Variants in SORL1 observed in about 807,000 individuals in gnomAD.
SORL1 encodes sortilin related receptor 1.
SORL1 carries 127 observed loss-of-function variants against 273.7 expected under a neutral mutation model. The ratio of observed to expected loss-of-function variants is 0.46; its 90% CI spans 0.40 to 0.54. The LOEUF is 0.54. SORL1 is among the 20% of genes least tolerant of loss of function. The probability of loss-of-function intolerance (pLI) is 0.00; values close to 1 mark genes in which losing one functional copy is unlikely to be tolerated. For synonymous variants in SORL1, 1,031 were observed against 1,067.4 expected (o/e 0.97, Z 0.66); for missense variants, 2,494 against 2,846.1 (o/e 0.88, Z 2.81).
intron 25 of SORL1, among the ~76,000 whole-genome samples, chr11:121,582,519 T>G (rs1367109400): frequency 6.6e-6 from 1 of 152,222 alleles, no homozygotes; most frequent in Non-Finnish European, 1.5e-5. Flanking sequence ...GGAAATCAGA[T>G]GGAGAGGACC....
intron 12 of SORL1, among the ~76,000 whole-genome samples, chr11:121,533,151 T>C (rs1862225657): frequency 6.6e-6 from 1 of 151,616 alleles, no homozygotes; most frequent in Non-Finnish European, 1.5e-5. Flanking sequence ...GAAAGACTAA[T>C]AATAAATAGC....
At chr11:121,543,336 G>T (rs1022092329) in intron 12 of SORL1, among the ~76,000 whole-genome samples, 2 of 151,946 alleles carry the variant, frequency 1.3e-5, no homozygotes, top group African/African-American at 4.8e-5. Flanking sequence ...CCTAAATTCG[G>T]CCAGTTGGAG....
chr11:121,582,879 A>G (rs1266583654), intron 25 of SORL1, among the ~76,000 whole-genome samples: 1 of 152,088 alleles, frequency 6.6e-6, no homozygotes, highest in African/African-American at 2.4e-5. Flanking sequence ...ATTGTAATGT[A>G]TGGCCTTCCA....
In SORL1 at chr11:121,631,632, C is replaced by T. The variant is rs541771146; in HGVS notation, c.*2069C>T. 6.6e-6 allele frequency: 1 copy of T among 152,278 alleles called. No homozygotes were observed. The highest frequency in any genetic ancestry group is 2.1e-4 in the South Asian group (1 of 4,832). 9.4% of individuals were successfully genotyped at this position (152,278 alleles called of 1,614,324 possible). On this transcript the variant is annotated 3_prime_UTR_variant, in exon 48 of 48. Transcript: ENST00000260197. ...TATTTTCAGTTATTCCATAGGCAAG[C>T]CTTTTTACAGAGCATATGTCTCCAG...
intron 9 of SORL1, 133 bp downstream of exon 9, chr11:121,520,982 G>A (rs1862033653): frequency 7.6e-6 from 4 of 529,650 alleles, no homozygotes; most frequent in Non-Finnish European, 1.2e-5. Context: ...ACATGGAGCA[G>A]ACTTCTATTT....
At chr11:121,559,709 G>T in intron 21 of SORL1, 52 bp downstream of exon 21, 3 of 1,565,706 alleles carry the variant, frequency 1.9e-6, no homozygotes, top group Non-Finnish European at 2.6e-6. Flanking sequence ...CAAGAAAGGG[G>T]CTGCGTGTGG....
chr11:121,522,319 C>G (rs142705915), intron 9 of SORL1, among the ~76,000 whole-genome samples: 288 of 152,306 alleles, frequency 1.9e-3, no homozygotes, highest in Non-Finnish European at 2.8e-3. Flanking sequence ...TGAGTTGACA[C>G]TGATTTCTAA....
intron 21 of SORL1, among the ~76,000 whole-genome samples, chr11:121,565,784 T>C (rs1378115815): frequency 6.6e-6 from 1 of 152,226 alleles, no homozygotes; most frequent in African/African-American, 2.4e-5. Flanking sequence ...ATGTAGGGGA[T>C]AGGATGGCAC....
rs1292268635 is a variant in SORL1 at position 121,496,945 on chromosome 11, C to T, written c.835C>T (p.Arg279Ter). The change falls in exon 6 of 48, where the codon CGA becomes TGA. Residue 279 changes from arginine to a stop codon, truncating the protein, a stop_gained. Coordinates refer to ENST00000260197, the MANE Select transcript of SORL1 (RefSeq NM_003105.6). LOFTEE classifies it high-confidence loss of function. ...HEPSGYSTVFRSTDFFQSREN... is the reference protein window; with the variant it reads ...HEPSGYSTVF ...ACCCTCTGGCTACTCCACTGTCTTC[C>T]GAAGTACAGATTTCTTCCAGTCCCG... The T allele has an allele frequency of 9.3e-6, 15 of 1,613,900 alleles. No individual in the cohort carries two copies. Among genetic ancestry groups the T allele is most frequent in the Non-Finnish European group, 1.3e-5 (15 of 1,179,918 alleles).
At chr11:121,604,884 T>A (rs1863445551) in intron 33 of SORL1, among the ~76,000 whole-genome samples, 1 of 152,196 alleles carries the variant, frequency 6.6e-6, no homozygotes, top group Non-Finnish European at 1.5e-5. Context: ...GGTAGTTCTG[T>A]TTAAAAGCAG....
In SORL1 at chr11:121,631,965, C is replaced by A. The variant is rs1863882574; in HGVS notation, c.*2402C>A. The A allele has an allele frequency of 6.6e-6, 1 of 152,162 alleles. No homozygotes were observed. The highest frequency in any genetic ancestry group is 2.1e-4 in the South Asian group (1 of 4,826). The allele number at this position is 152,162 out of a possible 1,614,324, so 9.4% of individuals were successfully genotyped here. The stretch of plus-strand genomic sequence containing the variant: ...ATGTATATATGCTGTCTGAAAGAAT[C>A]CAGAGGTTGGAGTGCCAATAGAAAA... On this transcript the variant is annotated 3_prime_UTR_variant, in exon 48 of 48. Coordinates refer to ENST00000260197, the MANE Select transcript of SORL1 (RefSeq NM_003105.6).
intron 32 of SORL1, among the ~76,000 whole-genome samples, chr11:121,600,825 C>T (rs1863377269): frequency 6.6e-6 from 1 of 152,188 alleles, no homozygotes; most frequent in African/African-American, 2.4e-5. Flanking sequence ...GGTTAATTAT[C>T]AGTTTAAGAA....
intron 25 of SORL1, among the ~76,000 whole-genome samples, chr11:121,579,331 T>C (rs540873188): frequency 6.6e-6 from 1 of 152,338 alleles, no homozygotes; most frequent in East Asian, 1.9e-4. Context: ...ATGTGTGGCA[T>C]GACACCTCAT....
At chr11:121,608,313 A>G in intron 38 of SORL1, 137 bp downstream of exon 38, 2 of 710,456 alleles carry the variant, frequency 2.8e-6, no homozygotes, top group Non-Finnish European at 4.7e-6. Flanking sequence ...ACACACGCAC[A>G]TTTTTGGGTG....
intron 32 of SORL1, among the ~76,000 whole-genome samples, chr11:121,597,128 A>G (rs1484657077): frequency 6.6e-6 from 1 of 152,216 alleles, no homozygotes; most frequent in Non-Finnish European, 1.5e-5. Flanking sequence ...GATTCTTAGC[A>G]TCAGACAAGA....
intron 32 of SORL1, among the ~76,000 whole-genome samples, chr11:121,603,494 G>A (rs1229612171): frequency 1.3e-5 from 2 of 152,224 alleles, no homozygotes; most frequent in East Asian, 3.8e-4. Context: ...CTCCCGTGCA[G>A]TTTTAATCTA....
At chr11:121,570,784 T>C (rs1862830324) in intron 23 of SORL1, among the ~76,000 whole-genome samples, 1 of 152,236 alleles carries the variant, frequency 6.6e-6, no homozygotes, top group South Asian at 2.1e-4. Context: ...GGGCCATTGG[T>C]GTACATGCCA....
At chr11:121,523,991 T>C (rs1436114138) in intron 11 of SORL1, among the ~76,000 whole-genome samples, 1 of 152,204 alleles carries the variant, frequency 6.6e-6, no homozygotes, top group Non-Finnish European at 1.5e-5. Context: ...TCACAAGCCT[T>C]CTCTCACTGT....
rs143553193 is a variant in SORL1, at chr11:121,502,466, G to A, written c.939+5417G>A. On this transcript the variant is annotated intron_variant, in intron 6 of 47. Coordinates refer to ENST00000260197, the MANE Select transcript of SORL1 (RefSeq NM_003105.6). ...TTCTATGTTTAACTTTTCGAGAATC[G>A]GTCAAGTGGTTTTCCAAAACTATTG... Among the ~76,000 whole-genome samples, 739 of 152,080 alleles carry A rather than the reference G, an allele frequency of 4.9e-3. 4 individuals carry two copies. The highest frequency in any genetic ancestry group is 0.016 in the African/African-American group (660 of 41,486).
Sources: gnomAD v4.1 joint callset for allele counts (sites outside exome capture counted in the v4.1 genomes callset) on GRCh38, gnomAD v4.1.1 for gene constraint, MANE v1.5 for transcripts, NCBI Gene and HGNC (gene_info 2026-07-23, HGNC 2026-07-21) for gene names.